Variants in PRR5L observed in about 807,000 individuals in gnomAD.
PRR5L encodes proline rich 5 like, also known as proline-rich protein 5-like.
PRR5L carries 21 observed loss-of-function variants against 36.4 expected under a neutral mutation model. The observed-to-expected ratio is 0.58, with a 90% confidence interval of 0.41 to 0.83. The LOEUF is 0.83. Among genes scored for constraint, PRR5L ranks in the 40% least tolerant of loss-of-function variants. PRR5L has a pLI of 0.00. For synonymous variants in PRR5L, 188 were observed against 197.0 expected (o/e 0.95, Z 0.38); for missense variants, 381 against 473.3 (o/e 0.80, Z 1.81).
At chr11:36,337,216 A>G (rs2133477091) in intron 1 of PRR5L, among the ~76,000 whole-genome samples, 1 of 152,148 alleles carries the variant, frequency 6.6e-6, no homozygotes, top group East Asian at 1.9e-4. Context: ...TAGTATTAAG[A>G]AGGAGGGCCT....
At chr11:36,316,734 C>G (rs1463173806) in intron 1 of PRR5L, among the ~76,000 whole-genome samples, 1 of 152,130 alleles carries the variant, frequency 6.6e-6, no homozygotes, top group Admixed American at 6.5e-5. Flanking sequence ...AAGGGTCAGA[C>G]TCTTGCATCC....
At position 36,312,871 on chromosome 11, in the gene PRR5L, A is replaced by G. The variant is rs189651609; in HGVS notation, c.-126+16433A>G. ...CTCTACTTGAGGTAGAACCAAGTCT[A>G]TGGTTTCTCAGCCTGGGCAGGGCAA... On this transcript the variant is annotated intron_variant, in intron 1 of 8. Transcript: ENST00000530639. Among the ~76,000 whole-genome samples the G allele has an allele frequency of 7.9e-5, 12 of 152,350 alleles. No individual in the cohort carries two copies. The East Asian group carries it at 2.3e-3, about 29-fold the overall frequency.
At chr11:36,417,315 T>C (rs1310213652) in intron 3 of PRR5L, among the ~76,000 whole-genome samples, 1 of 152,230 alleles carries the variant, frequency 6.6e-6, no homozygotes, top group Non-Finnish European at 1.5e-5. Flanking sequence ...TTCTCCCTCC[T>C]GTGGTCAGAA....
chr11:36,302,401 T>C (rs746559883), intron 1 of PRR5L, among the ~76,000 whole-genome samples: 5 of 151,914 alleles, frequency 3.3e-5, no homozygotes, highest in Non-Finnish European at 7.4e-5. Context: ...CACCAAGAGA[T>C]GGGAAGAGAA....
chr11:36,373,593 T>C, intron 1 of PRR5L, among the ~76,000 whole-genome samples: 1 of 145,884 alleles, frequency 6.9e-6, no homozygotes, highest in Non-Finnish European at 1.5e-5. Context: ...AGCAAGACTC[T>C]GTTTTAAAAA....
intron 3 of PRR5L, among the ~76,000 whole-genome samples, chr11:36,405,677 C>T (rs1423815656): frequency 2.6e-5 from 4 of 152,170 alleles, no homozygotes; most frequent in African/African-American, 9.7e-5. Flanking sequence ...AGTAGTCTAC[C>T]GGGGCTGCCA....
At chr11:36,431,635 G>C (rs1858496779) in intron 4 of PRR5L, among the ~76,000 whole-genome samples, 1 of 152,066 alleles carries the variant, frequency 6.6e-6, no homozygotes, top group Non-Finnish European at 1.5e-5. Context: ...GGTTGGGTTT[G>C]CCTCTTATCT....
chr11:36,422,692 G>C (rs983956216), intron 4 of PRR5L, among the ~76,000 whole-genome samples: 11 of 152,154 alleles, frequency 7.2e-5, no homozygotes, highest in African/African-American at 2.7e-4. Context: ...AAGCAGGTAG[G>C]AAAATTGTGC....
At chr11:36,342,183 G>T (rs1405166400) in intron 1 of PRR5L, among the ~76,000 whole-genome samples, 1 of 152,146 alleles carries the variant, frequency 6.6e-6, no homozygotes, top group Non-Finnish European at 1.5e-5. Flanking sequence ...CTCAACTAAG[G>T]GTGAATTGGT....
intron 4 of PRR5L, among the ~76,000 whole-genome samples, chr11:36,422,317 C>A (rs1226392805): frequency 2.6e-5 from 4 of 152,084 alleles, no homozygotes; most frequent in Non-Finnish European, 5.9e-5. Context: ...AGGAGGAACT[C>A]CAGAAAGTGT....
intron 1 of PRR5L, among the ~76,000 whole-genome samples, chr11:36,343,657 C>T (rs1015503621): frequency 6.6e-6 from 1 of 152,210 alleles, no homozygotes; most frequent in African/African-American, 2.4e-5. Flanking sequence ...GAGCAGCTAA[C>T]TTTCACCCAT....
chr11:36,337,811 A>G (rs1856783106), intron 1 of PRR5L, among the ~76,000 whole-genome samples: 1 of 152,260 alleles, frequency 6.6e-6, no homozygotes, highest in Non-Finnish European at 1.5e-5. Context: ...TCAGTTATGA[A>G]TAATTTCAGG....
chr11:36,354,964 G>A (rs867937926), intron 1 of PRR5L, among the ~76,000 whole-genome samples: 6 of 152,324 alleles, frequency 3.9e-5, no homozygotes, highest in African/African-American at 7.2e-5. Context: ...GTTGGAGAAC[G>A]TAAAGGGGTA....
At chr11:36,364,445 G>T (rs73443191) in intron 1 of PRR5L, among the ~76,000 whole-genome samples, 3 of 152,018 alleles carry the variant, frequency 2.0e-5, no homozygotes, top group Non-Finnish European at 2.9e-5. Context: ...TTAATTAGAG[G>T]TTAAGTCACC....
chr11:36,412,958 TGGTGGGGGGAAG>T (rs1858057867), intron 3 of PRR5L, among the ~76,000 whole-genome samples: 1 of 152,136 alleles, frequency 6.6e-6, no homozygotes, highest in African/African-American at 2.4e-5. Context: ...CCTCTTTTTT[TGGTGGGGGGAAG>T]GTAGCTTTTA....
At chr11:36,375,413 G>A (rs760527786) in intron 1 of PRR5L, among the ~76,000 whole-genome samples, 82 of 151,848 alleles carry the variant, frequency 5.4e-4, no homozygotes, top group Non-Finnish European at 1.0e-3. Flanking sequence ...TCTTCAACCC[G>A]CTCTCATGCC....
intron 1 of PRR5L, among the ~76,000 whole-genome samples, chr11:36,312,987 G>A (rs1454885816): frequency 2.0e-5 from 3 of 152,210 alleles, no homozygotes; most frequent in East Asian, 1.9e-4. Flanking sequence ...CAGAGGAGCC[G>A]CTTTACTGAC....
chr11:36,343,905 G>GTT (rs1554986223), intron 1 of PRR5L, among the ~76,000 whole-genome samples: 11 of 147,650 alleles, frequency 7.5e-5, no homozygotes, highest in African/African-American at 2.0e-4. Context: ...GTTTTATGTT[G>GTT]TTTTTTTTTT....
At chr11:36,401,361 T>A (rs1238960235) in intron 2 of PRR5L, 76 bp downstream of exon 2, 1 of 1,414,336 alleles carries the variant, frequency 7.1e-7, no homozygotes, top group African/African-American at 1.4e-5. Context: ...GGGGGCTGAC[T>A]GAGCTTCTGC....
Sources: allele counts gnomAD v4.1 joint callset (sites outside exome capture counted in the v4.1 genomes callset), GRCh38; gene constraint gnomAD v4.1.1; transcripts MANE v1.5; gene names NCBI Gene and HGNC (gene_info 2026-07-23, HGNC 2026-07-21).